NUP155: variants seen among roughly 807,000 people sequenced by gnomAD.
NUP155 encodes the protein nuclear pore complex protein Nup155.
Under a neutral mutation model 180.4 loss-of-function variants are expected in NUP155, and 71 were observed. The observed-to-expected ratio is 0.39, with a 90% CI of 0.33 to 0.48. The LOEUF (loss-of-function observed/expected upper bound fraction) is 0.48. NUP155 is among the 20% of genes least tolerant of loss of function. The probability of loss-of-function intolerance (pLI) is 0.91; values close to 1 mark genes in which losing one functional copy is unlikely to be tolerated. For synonymous variants in NUP155, 582 were observed against 559.5 expected, an observed-to-expected ratio of 1.04 and a Z score of -0.57; for missense variants, 1,553 against 1,648.9, an observed-to-expected ratio of 0.94 and a Z score of 1.01.
chr5:37,342,685 T>C (rs753195679), intron 9 of NUP155, 39 bp from the exon 10 acceptor site: 1 of 1,232,362 alleles, frequency 8.1e-7, no homozygotes, highest in Admixed American at 1.7e-5. Context: ...TTTTAAAATG[T>C]GTCTGCTAAA....
At chr5:37,343,560 A>T (rs1341798050) in intron 9 of NUP155, among the ~76,000 whole-genome samples, 3 of 152,102 alleles carry the variant, frequency 2.0e-5, no homozygotes, top group African/African-American at 7.2e-5. Flanking sequence ...GGTGGGGAGC[A>T]GTGTTCTCAG....
At chr5:37,304,114 G>A (rs1743015958) in intron 27 of NUP155, among the ~76,000 whole-genome samples, 1 of 151,712 alleles carries the variant, frequency 6.6e-6, no homozygotes, top group South Asian at 2.1e-4. Flanking sequence ...GCTGTGCGTG[G>A]TGGCGGGTGC....
intron 12 of NUP155, among the ~76,000 whole-genome samples, chr5:37,334,260 G>A (rs567320261): frequency 1.3e-5 from 2 of 152,062 alleles, no homozygotes; most frequent in African/African-American, 2.4e-5. Flanking sequence ...ATGCTACCAC[G>A]GCCGCCTAAT....
At position 37,351,310 on chromosome 5, in the gene NUP155, A is replaced by T; in HGVS notation, c.603T>A (p.Leu201=). The T allele has an allele frequency of 6.2e-7, 1 of 1,613,002 alleles. No individual in the cohort carries two copies. The highest frequency in any genetic ancestry group is 8.5e-7 in the Non-Finnish European group (1 of 1,179,140). Residue 201 remains leucine (L), a synonymous_variant, in exon 6 of 35, where the codon CTT becomes CTA. Transcript: ENST00000231498. ...TAGGAAGAGAATATAAAGGATCTGG[A>T]AGCAACTGCATTCCACCAGACAAAC... ...NDSLSGGMQL[L]PDPLYSLPTD... is the part of the protein sequence containing the mutation.
At position 37,341,110 on chromosome 5, in the gene NUP155, T is replaced by A. The variant is rs577740842; in HGVS notation, c.1226A>T (p.His409Leu). The A allele has an allele frequency of 6.2e-7, 1 of 1,613,038 alleles. No homozygotes were observed. Among genetic ancestry groups the A allele is most frequent in the South Asian group, 1.1e-5 (1 of 91,062 alleles). ...CTTACCTTTACTATAAAGAGCTCTATGTACTTTTGAAGGCTTTTCCACGGT... is the reference window on the plus strand; with the variant it reads ...CTTACCTTTACTATAAAGAGCTCTAAGTACTTTTGAAGGCTTTTCCACGGT... ...SSTVEKPSKV[H>L]RALYSKGILL... Residue 409 changes from histidine (H) to leucine (L), a missense_variant, in exon 11 of 35, where the codon CAT becomes CTT. His to Leu is a moderately conservative substitution (Grantham distance 99). Transcript: ENST00000231498.
At chr5:37,342,698 A>G in intron 9 of NUP155, 52 bp from the exon 10 acceptor site, 1 of 1,135,238 alleles carries the variant, frequency 8.8e-7, no homozygotes, top group Non-Finnish European at 1.3e-6. Context: ...CTGCTAAATT[A>G]TAAGAAATAT....
intron 25 of NUP155, 89 bp from the exon 26 acceptor site, chr5:37,305,299 CA>C (rs776051261): frequency 6.8e-6 from 8 of 1,178,472 alleles, no homozygotes; most frequent in Non-Finnish European, 1.0e-5. Context: ...TAATGCCAGC[CA>C]TAGGGAAGTC....
Position 37,301,528 on chromosome 5 carries a change from A to G in NUP155, c.3470T>C (p.Ile1157Thr), listed in dbSNP as rs1742862414. The change falls in exon 30 of 35, where the codon ATA becomes ACA. Residue 1157 changes from isoleucine (I) to threonine (T), a missense_variant. Ile to Thr is a moderately conservative substitution (Grantham distance 89). Transcript: ENST00000231498. The part of the protein sequence containing the change: ...KMEVARIQLQ[I>T]QETLQRQYSH... ...ATACTGCCTTTGTAGTGTCTCCTGT[A>G]TCTGAAGTTGGATCCTAGCAACCTA... 1.9e-6 allele frequency: 3 copies of G among 1,612,880 alleles called. No homozygotes were observed. The highest frequency in any genetic ancestry group is 2.5e-6 in the Non-Finnish European group (3 of 1,178,892).
chr5:37,337,471 C>T (rs531984731), intron 12 of NUP155, among the ~76,000 whole-genome samples: 108 of 151,230 alleles, frequency 7.1e-4, no homozygotes, highest in Middle Eastern at 3.5e-3. Context: ...AATAACTAAA[C>T]GAGCAACATA....
intron 1 of NUP155, among the ~76,000 whole-genome samples, chr5:37,365,790 CACAG>C (rs1394518614): frequency 2.2e-5 from 3 of 133,674 alleles, no homozygotes; most frequent in African/African-American, 8.2e-5. Flanking sequence ...CACACACACA[CACAG>C]ACGCCTACTA....
intron 29 of NUP155, 138 bp from the exon 30 acceptor site, chr5:37,301,688 A>G (rs1192521742): frequency 7.3e-6 from 5 of 683,732 alleles, no homozygotes; most frequent in African/African-American, 5.3e-5. Flanking sequence ...ATAGGCTAAT[A>G]TTATCATAAC....
At chr5:37,369,435 G>A (rs886335764) in intron 1 of NUP155, among the ~76,000 whole-genome samples, 1 of 152,224 alleles carries the variant, frequency 6.6e-6, no homozygotes, top group Non-Finnish European at 1.5e-5. Context: ...TGTAATCAGA[G>A]CAACGGATGA....
intron 13 of NUP155, 31 bp downstream of exon 13, chr5:37,333,432 T>C (rs2150968927): frequency 1.9e-6 from 3 of 1,594,066 alleles, no homozygotes; most frequent in African/African-American, 2.7e-5. Context: ...TCGCTTATTT[T>C]TGTCACTACC....
chr5:37,370,520 A>G (rs373013374), intron 1 of NUP155: 172 of 611,810 alleles, frequency 2.8e-4, no homozygotes, highest in African/African-American at 2.7e-3. Flanking sequence ...GATGCTTCTC[A>G]TATGGCCTTA....
rs1742210748 is a variant in NUP155, at chr5:37,291,069, A to AT, written c.*830dup. On this transcript the variant is annotated 3_prime_UTR_variant, in exon 35 of 35. Coordinates refer to ENST00000231498, the MANE Select transcript of NUP155 (RefSeq NM_153485.3). ...AGTTTTATCACCTGCTCAACCAGGT[A>AT]TATAGCTATGTCAATTCTCAAGGGC... is the stretch of plus-strand genomic sequence containing the variant. 1 of 152,314 alleles carries AT rather than the reference A, an allele frequency of 6.6e-6. No homozygotes were observed. Among genetic ancestry groups the AT allele is most frequent in the East Asian group, 1.9e-4 (1 of 5,186 alleles). 9.4% of individuals were successfully genotyped at this position (152,314 alleles called of 1,614,324 possible).
chr5:37,321,514 C>G (rs1357681905), intron 20 of NUP155, among the ~76,000 whole-genome samples: 1 of 151,980 alleles, frequency 6.6e-6, no homozygotes, highest in Non-Finnish European at 1.5e-5. Flanking sequence ...GTCAAGAGAT[C>G]GAGACCATCC....
chr5:37,319,323 A>G (rs1363253749), intron 20 of NUP155, among the ~76,000 whole-genome samples: 1 of 152,210 alleles, frequency 6.6e-6, no homozygotes, highest in Non-Finnish European at 1.5e-5. Flanking sequence ...AACATTCAAA[A>G]TGAGTAAATT....
In NUP155 at chr5:37,306,619, C is replaced by A. The variant is rs180819796; in HGVS notation, c.2903+678G>T. Among the ~76,000 whole-genome samples the A allele has an allele frequency of 2.1e-4, 32 of 152,000 alleles. No homozygotes were observed. In the East Asian group the frequency reaches 6.3e-3, roughly 30 times the overall value. On this transcript the variant is annotated intron_variant, in intron 25 of 34. Coordinates refer to ENST00000231498, the MANE Select transcript of NUP155 (RefSeq NM_153485.3). The stretch of plus-strand genomic sequence containing the variant: ...AGTTGCTGGGATTACGGGTGTGCAC[C>A]ACCACGCCTGGCTAATTTTTGTATT...
chr5:37,340,442 C>CA (rs527845158), intron 11 of NUP155, among the ~76,000 whole-genome samples: 2,402 of 128,254 alleles, frequency 0.019, 24 homozygotes, highest in South Asian at 0.031. Context: ...CAGACCACCT[C>CA]AAAAAAAAAA....
Sources: allele counts gnomAD v4.1 joint callset (sites outside exome capture counted in the v4.1 genomes callset), GRCh38; gene constraint gnomAD v4.1.1; transcripts MANE v1.5; gene names NCBI Gene and HGNC (gene_info 2026-07-23, HGNC 2026-07-21).